DCC: variants seen among roughly 807,000 people sequenced by gnomAD.
The protein encoded by DCC is DCC netrin 1 receptor.
A neutral mutation model predicts 172.5 loss-of-function variants in DCC; 58 were observed. That is an observed-to-expected ratio of 0.34 (90% CI 0.27 to 0.42). The LOEUF (loss-of-function observed/expected upper bound fraction) is 0.42. Ranked by LOEUF, DCC falls within the 10% of genes least tolerant of loss-of-function variation. The pLI, the probability that DCC is intolerant of heterozygous loss-of-function variation, is 1.00. For missense variants in DCC, 1,740 were observed against 1,791.0 expected (o/e 0.97, Z 0.51); for synonymous variants, 709 against 644.5 (o/e 1.10, Z -1.52).
intron 5 of DCC, among the ~76,000 whole-genome samples, chr18:52,951,141 C>T (rs1394746353): frequency 6.6e-6 from 1 of 151,998 alleles, no homozygotes; most frequent in Non-Finnish European, 1.5e-5. Flanking sequence ...ATGCACGGAC[C>T]TTGAGGGTTA....
intron 5 of DCC, among the ~76,000 whole-genome samples, chr18:53,001,293 A>G (rs2041561405): frequency 6.6e-6 from 1 of 152,108 alleles, no homozygotes; most frequent in Non-Finnish European, 1.5e-5. Flanking sequence ...GTTTGTCTAA[A>G]AGTGCTTTAT....
chr18:53,234,820 G>C (rs1015697063), intron 12 of DCC, among the ~76,000 whole-genome samples: 2 of 152,066 alleles, frequency 1.3e-5, no homozygotes, highest in African/African-American at 4.8e-5. Context: ...TAGATCTCTT[G>C]AAGAAGTAAC....
chr18:52,875,120 C>A (rs12455796), intron 2 of DCC, among the ~76,000 whole-genome samples: 37,924 of 151,880 alleles, frequency 0.25, 5,069 homozygotes, highest in Admixed American at 0.33. Context: ...GTCCTTTGCT[C>A]TCTCTGGAGT....
intron 3 of DCC, among the ~76,000 whole-genome samples, chr18:52,923,410 A>AT (rs1006037332): frequency 2.0e-5 from 3 of 152,068 alleles, no homozygotes; most frequent in Admixed American, 1.3e-4. Context: ...AGCTATTGAC[A>AT]TTTTTCTGTT....
intron 1 of DCC, among the ~76,000 whole-genome samples, chr18:52,431,835 T>G (rs1434369898): frequency 1.3e-5 from 2 of 152,156 alleles, no homozygotes; most frequent in Non-Finnish European, 2.9e-5. Flanking sequence ...CCCATTTGAT[T>G]CATCTTGCAC....
intron 15 of DCC, among the ~76,000 whole-genome samples, chr18:53,366,695 G>A (rs1178066073): frequency 6.6e-6 from 1 of 152,138 alleles, no homozygotes; most frequent in Admixed American, 6.5e-5. Flanking sequence ...GCCTATCTGA[G>A]TTTTAACAAG....
chr18:53,025,894 TGTG>T, intron 5 of DCC, among the ~76,000 whole-genome samples: 1 of 151,578 alleles, frequency 6.6e-6, no homozygotes, highest in Non-Finnish European at 1.5e-5. Context: ...TAAATTAAAA[TGTG>T]GTGTAAAATA....
At chr18:52,819,050 TAGG>T (rs1251287499) in intron 2 of DCC, among the ~76,000 whole-genome samples, 1 of 152,208 alleles carries the variant, frequency 6.6e-6, no homozygotes, top group African/African-American at 2.4e-5. Flanking sequence ...ACAAAAGAGA[TAGG>T]AGATATAATC....
chr18:52,684,994 T>C (rs955794372), intron 1 of DCC, among the ~76,000 whole-genome samples: 1 of 152,060 alleles, frequency 6.6e-6, no homozygotes, highest in Non-Finnish European at 1.5e-5. Context: ...CAATTCCTAT[T>C]TTTTTTACCA....
chr18:53,499,876 A>ATGT (rs1340754452), intron 27 of DCC, among the ~76,000 whole-genome samples: 6 of 152,228 alleles, frequency 3.9e-5, no homozygotes, highest in Admixed American at 3.9e-4. Flanking sequence ...GCAAGACTAG[A>ATGT]TGTAAAGGTA....
At chr18:53,155,459 A>T (rs973224036) in intron 7 of DCC, among the ~76,000 whole-genome samples, 1 of 152,234 alleles carries the variant, frequency 6.6e-6, no homozygotes, top group African/African-American at 2.4e-5. Flanking sequence ...AAACAGAGTT[A>T]TCACAGCAAA....
chr18:53,035,280 T>C (rs1030407103), intron 5 of DCC, among the ~76,000 whole-genome samples: 2 of 152,038 alleles, frequency 1.3e-5, no homozygotes, highest in Non-Finnish European at 2.9e-5. Flanking sequence ...CATGATCTCA[T>C]CTTACTATTT....
chr18:52,596,712 A>T (rs182350622), intron 1 of DCC, among the ~76,000 whole-genome samples: 1 of 152,220 alleles, frequency 6.6e-6, no homozygotes, highest in South Asian at 2.1e-4. Context: ...ACAAGTCCCA[A>T]TCCTCTACCA....
chr18:52,977,228 A>AATGTGCTTTC (rs1568223441), intron 5 of DCC, among the ~76,000 whole-genome samples: 4 of 152,102 alleles, frequency 2.6e-5, no homozygotes, highest in African/African-American at 9.7e-5. Flanking sequence ...GAAGTGTCTT[A>AATGTGCTTTC]TAATGTGCTC....
At chr18:52,802,644 T>TC (rs2038014429) in intron 2 of DCC, among the ~76,000 whole-genome samples, 1 of 18,218 alleles carries the variant, frequency 5.5e-5, no homozygotes, top group African/African-American at 3.5e-4. Flanking sequence ...ACGCCAAGCC[T>TC]TTTTTTTTTT....
intron 1 of DCC, among the ~76,000 whole-genome samples, chr18:52,405,020 C>G (rs900045766): frequency 3.3e-5 from 5 of 151,762 alleles, no homozygotes; most frequent in African/African-American, 1.2e-4. Flanking sequence ...GCATAGTATT[C>G]CATGGTGTAT....
At chr18:52,680,886 G>A (rs546405975) in intron 1 of DCC, among the ~76,000 whole-genome samples, 4 of 152,136 alleles carry the variant, frequency 2.6e-5, no homozygotes, top group Non-Finnish European at 4.4e-5. Flanking sequence ...ACATGATACA[G>A]AACACTTTTA....
chr18:52,500,515 C>G (rs573039195), intron 1 of DCC, among the ~76,000 whole-genome samples: 11 of 152,138 alleles, frequency 7.2e-5, no homozygotes, highest in South Asian at 2.1e-4. Flanking sequence ...GAATGCCAAA[C>G]AAGCTTCCTT....
chr18:53,314,727 G>A (rs1206372067), intron 13 of DCC, among the ~76,000 whole-genome samples: 1 of 152,158 alleles, frequency 6.6e-6, no homozygotes, highest in African/African-American at 2.4e-5. Flanking sequence ...AGTTGAAGGT[G>A]TTTTAAGGAT....
Sources: gnomAD v4.1 joint callset for allele counts (sites outside exome capture counted in the v4.1 genomes callset) on GRCh38, gnomAD v4.1.1 for gene constraint, MANE v1.5 for transcripts, NCBI Gene and HGNC (gene_info 2026-07-23, HGNC 2026-07-21) for gene names.